PXDNL: variants seen among roughly 807,000 people sequenced by gnomAD.
The protein encoded by PXDNL is peroxidasin like.
In PXDNL, 145 loss-of-function variants were observed where a neutral mutation model predicts 150.8. That is an observed-to-expected ratio of 0.96 (90% CI 0.84 to 1.10). The LOEUF is 1.10. PXDNL is among the 50% of genes least tolerant of loss of function. The pLI, the probability that PXDNL is intolerant of heterozygous loss-of-function variation, is 0.00. For synonymous variants in PXDNL, 757 were observed against 725.7 expected, an observed-to-expected ratio of 1.04 and a Z score of -0.69; for missense variants, 2,087 against 1,873.9, an observed-to-expected ratio of 1.11 and a Z score of -2.10.
Position 51,409,429 on chromosome 8 carries a change from C to T in PXDNL, c.2195G>A (p.Gly732Asp). The T allele has an allele frequency of 6.2e-7, 1 of 1,612,232 alleles. No homozygotes were observed. The highest frequency in any genetic ancestry group is 8.5e-7 in the Non-Finnish European group (1 of 1,179,606). Residue 732 changes from glycine to aspartate, a missense_variant, in exon 17 of 23, where the codon GGC becomes GAC. Transcript: ENST00000356297. ...CFHAKYRAHDGTCNNLQQPTW... is the reference protein window; with the variant it reads ...CFHAKYRAHDDTCNNLQQPTW... ...GGGCTGCTGCAGGTTGTTGCACGTG[C>T]CGTCGTGGGCGCGGTACTTCGCATG...
At chr8:51,637,984 C>T (rs1743078234) in intron 2 of PXDNL, among the ~76,000 whole-genome samples, 1 of 152,226 alleles carries the variant, frequency 6.6e-6, no homozygotes, top group Non-Finnish European at 1.5e-5. Flanking sequence ...GGAAGCCCAT[C>T]AGACTAACGG....
At chr8:51,652,389 TC>T (rs1252423052) in intron 2 of PXDNL, among the ~76,000 whole-genome samples, 4 of 151,270 alleles carry the variant, frequency 2.6e-5, no homozygotes, top group African/African-American at 9.8e-5. Flanking sequence ...TCTCTCTCTC[TC>T]TCTCTCTCTC....
At chr8:51,447,523 A>G (rs1809703531) in intron 11 of PXDNL, among the ~76,000 whole-genome samples, 1 of 152,228 alleles carries the variant, frequency 6.6e-6, no homozygotes, top group Non-Finnish European at 1.5e-5. Flanking sequence ...ACAGTTGTTT[A>G]TCATGTGTAT....
chr8:51,534,189 G>T (rs1811992622), intron 4 of PXDNL, among the ~76,000 whole-genome samples: 1 of 136,120 alleles, frequency 7.3e-6, no homozygotes, highest in Admixed American at 6.9e-5. Context: ...CTGTCTGGGA[G>T]GTGAGGAGCG....
At chr8:51,684,813 G>A (rs1435261015) in intron 1 of PXDNL, among the ~76,000 whole-genome samples, 1 of 152,160 alleles carries the variant, frequency 6.6e-6, no homozygotes, top group Non-Finnish European at 1.5e-5. Context: ...GAAGAGCTAA[G>A]AATGGTCCCC....
chr8:51,385,838 A>T (rs1346726319), intron 17 of PXDNL, among the ~76,000 whole-genome samples: 1 of 152,112 alleles, frequency 6.6e-6, no homozygotes, highest in Non-Finnish European at 1.5e-5. Flanking sequence ...CTTGGCTCTC[A>T]TTCTCTCTTG....
At chr8:51,391,400 C>T (rs2130839042) in intron 17 of PXDNL, among the ~76,000 whole-genome samples, 1 of 152,192 alleles carries the variant, frequency 6.6e-6, no homozygotes, top group South Asian at 2.1e-4. Context: ...CTCTCCAGCA[C>T]CTGTTGTTTC....
intron 1 of PXDNL, among the ~76,000 whole-genome samples, chr8:51,783,837 T>C (rs1452635957): frequency 6.6e-6 from 1 of 152,140 alleles, no homozygotes; most frequent in African/African-American, 2.4e-5. Context: ...GCCTTAGAAA[T>C]AGTCTCACTG....
intron 4 of PXDNL, among the ~76,000 whole-genome samples, chr8:51,546,583 G>T (rs1812365171): frequency 6.6e-6 from 1 of 152,176 alleles, no homozygotes. Context: ...GTTGAACTTG[G>T]TAATAATTGC....
chr8:51,474,538 A>G (rs2130114228), intron 7 of PXDNL, among the ~76,000 whole-genome samples: 1 of 152,340 alleles, frequency 6.6e-6, no homozygotes, highest in Admixed American at 6.5e-5. Flanking sequence ...CATTTAAAAA[A>G]TCAATTACTG....
intron 3 of PXDNL, among the ~76,000 whole-genome samples, chr8:51,559,034 A>T (rs1812657759): frequency 6.6e-6 from 1 of 151,974 alleles, no homozygotes; most frequent in Non-Finnish European, 1.5e-5. Flanking sequence ...GGCTGGAATA[A>T]GGGGGATATT....
intron 1 of PXDNL, among the ~76,000 whole-genome samples, chr8:51,703,420 G>T (rs1211127570): frequency 5.3e-5 from 8 of 152,138 alleles, no homozygotes; most frequent in Non-Finnish European, 1.2e-4. Flanking sequence ...TAATTTGTCT[G>T]TTAATTTTAT....
chr8:51,793,117 C>T (rs1324311816), intron 1 of PXDNL, among the ~76,000 whole-genome samples: 1 of 152,150 alleles, frequency 6.6e-6, no homozygotes, highest in Non-Finnish European at 1.5e-5. Context: ...GGACAGACAG[C>T]CCAGGGGAAG....
At chr8:51,782,096 TAAG>T (rs149854171) in intron 1 of PXDNL, among the ~76,000 whole-genome samples, 9,229 of 152,196 alleles carry the variant, frequency 0.061, 376 homozygotes, top group Non-Finnish European at 0.087. Context: ...GCTCAGATGA[TAAG>T]AAGGAAAGAC....
chr8:51,343,747 GAAATTGCCCTCC>G (rs1806060428), intron 20 of PXDNL, among the ~76,000 whole-genome samples: 1 of 152,128 alleles, frequency 6.6e-6, no homozygotes, highest in African/African-American at 2.4e-5. Flanking sequence ...TAAAACAAGG[GAAATTGCCCTCC>G]AATATTTGAG....
chr8:51,705,606 G>A (rs10504126), intron 1 of PXDNL, among the ~76,000 whole-genome samples: 12,046 of 152,206 alleles, frequency 0.079, 702 homozygotes, highest in African/African-American at 0.17. Context: ...AAATTAATGC[G>A]GTGAGATAAT....
intron 1 of PXDNL, among the ~76,000 whole-genome samples, chr8:51,668,270 G>A (rs1384044658): frequency 2.2e-5 from 3 of 139,252 alleles, no homozygotes; most frequent in South Asian, 4.7e-4. Context: ...TGCTTCCTGG[G>A]TTCAAGCAAT....
At chr8:51,790,858 A>C in intron 1 of PXDNL, among the ~76,000 whole-genome samples, 1 of 109,528 alleles carries the variant, frequency 9.1e-6, no homozygotes. Context: ...TTTTGGCTTC[A>C]AGAGACACTA....
At chr8:51,741,166 T>G (rs192896917) in intron 1 of PXDNL, among the ~76,000 whole-genome samples, 121 of 152,350 alleles carry the variant, frequency 7.9e-4, no homozygotes, top group Non-Finnish European at 1.3e-3. Context: ...GAACTTGCTA[T>G]TGGCCTATTG....
Sources: allele counts gnomAD v4.1 joint callset (sites outside exome capture counted in the v4.1 genomes callset), GRCh38; gene constraint gnomAD v4.1.1; transcripts MANE v1.5; gene names NCBI Gene and HGNC (gene_info 2026-07-23, HGNC 2026-07-21).